Variants in CTIF observed in about 807,000 individuals in gnomAD.
CTIF encodes the protein cap binding complex dependent translation initiation factor, also known as CBP80/20-dependent translation initiation factor.
In CTIF, 21 loss-of-function variants were observed where a neutral mutation model predicts 66.0. The observed-to-expected ratio is 0.32, with a 90% CI of 0.23 to 0.46. The LOEUF (loss-of-function observed/expected upper bound fraction) is 0.46. Among genes scored for constraint, CTIF ranks in the 20% least tolerant of loss-of-function variants. CTIF has a pLI of 1.00. For synonymous variants in CTIF, 345 were observed against 326.4 expected (o/e 1.06, Z -0.62); for missense variants, 739 against 812.7 (o/e 0.91, Z 1.10).
intron 10 of CTIF, among the ~76,000 whole-genome samples, chr18:48,833,472 GC>G (rs1568254515): frequency 2.6e-5 from 4 of 151,944 alleles, no homozygotes. Context: ...CTCTCTAAAT[GC>G]CCCCCTGCCC....
Position 48,558,058 on chromosome 18 carries a change from C to A in CTIF, c.-29+18746C>A, listed in dbSNP as rs183759279. On this transcript the variant is annotated intron_variant, in intron 1 of 11. Coordinates refer to ENST00000256413, the MANE Select transcript of CTIF (RefSeq NM_014772.3). ...AGTAGATTCCCTTTCTTTTTCTTTT[C>A]TTTTCTTCTCTTTTCTTTTGAGATG... Among the ~76,000 whole-genome samples, 475 of 152,264 alleles carry A rather than the reference C, an allele frequency of 3.1e-3. 5 individuals are homozygous for A. Among genetic ancestry groups the A allele is most frequent in the African/African-American group, 0.011 (444 of 41,556 alleles).
At chr18:48,625,071 A>G (rs1039724108) in intron 2 of CTIF, 2 of 231,134 alleles carry the variant, frequency 8.7e-6, no homozygotes, top group Non-Finnish European at 1.4e-5. Context: ...CTTTCTCTTT[A>G]CGTCTCTCCT....
intron 1 of CTIF, among the ~76,000 whole-genome samples, chr18:48,577,131 G>A (rs867038814): frequency 6.6e-6 from 1 of 152,218 alleles, no homozygotes; most frequent in African/African-American, 2.4e-5. Flanking sequence ...AGAAATTGTG[G>A]CTCTAGACAA....
intron 6 of CTIF, among the ~76,000 whole-genome samples, chr18:48,682,295 C>T (rs901626589): frequency 3.9e-5 from 6 of 152,174 alleles, no homozygotes; most frequent in Non-Finnish European, 5.9e-5. Context: ...CACATGATCC[C>T]GGGAGCCAAA....
chr18:48,661,611 G>T (rs1043092524), intron 3 of CTIF, among the ~76,000 whole-genome samples: 6 of 152,300 alleles, frequency 3.9e-5, no homozygotes, highest in African/African-American at 1.4e-4. Flanking sequence ...GTTGGAATGG[G>T]GAGGATGTGA....
chr18:48,669,796 TA>T (rs2091495778), intron 5 of CTIF, among the ~76,000 whole-genome samples: 17 of 39,616 alleles, frequency 4.3e-4, no homozygotes, highest in African/African-American at 2.1e-3. Context: ...TAAACATTTA[TA>T]TATATATATA....
At chr18:48,725,497 C>A (rs529753372) in intron 7 of CTIF, among the ~76,000 whole-genome samples, 1 of 152,260 alleles carries the variant, frequency 6.6e-6, no homozygotes, top group South Asian at 2.1e-4. Context: ...ACTCTACAAG[C>A]AGTCAAGGAC....
intron 1 of CTIF, among the ~76,000 whole-genome samples, chr18:48,541,589 G>C (rs1209841773): frequency 6.6e-6 from 1 of 152,172 alleles, no homozygotes; most frequent in Non-Finnish European, 1.5e-5. Context: ...AGAATGCACC[G>C]AACAGACGCT....
chr18:48,613,201 G>A (rs986261165), intron 1 of CTIF, among the ~76,000 whole-genome samples: 10 of 152,170 alleles, frequency 6.6e-5, no homozygotes, highest in Admixed American at 3.9e-4. Flanking sequence ...GGGCAGGAAA[G>A]GATACTGAGA....
intron 7 of CTIF, among the ~76,000 whole-genome samples, chr18:48,730,837 GTGAGGGACCCCCGCAGCA>G (rs2092450921): frequency 1.3e-5 from 2 of 148,324 alleles, no homozygotes; most frequent in Admixed American, 1.3e-4. Context: ...CTTCCGTGGT[GTGAGGGACCCCCGCAGCA>G]TGAGGGGCCT....
chr18:48,619,119 T>C (rs1279555859), intron 1 of CTIF, among the ~76,000 whole-genome samples: 1 of 152,186 alleles, frequency 6.6e-6, no homozygotes, highest in Non-Finnish European at 1.5e-5. Context: ...TCGGGCCCCA[T>C]TGTGCACCCT....
chr18:48,805,365 G>A (rs1358150292), intron 9 of CTIF, among the ~76,000 whole-genome samples: 1 of 151,610 alleles, frequency 6.6e-6, no homozygotes, highest in Non-Finnish European at 1.5e-5. Context: ...GCCCTGGGCT[G>A]TGTGATAGGA....
chr18:48,726,898 C>T (rs1437991290), intron 7 of CTIF, among the ~76,000 whole-genome samples: 1 of 152,118 alleles, frequency 6.6e-6, no homozygotes, highest in Non-Finnish European at 1.5e-5. Flanking sequence ...AATAGTCTCA[C>T]CCCTCCCAAT....
intron 7 of CTIF, among the ~76,000 whole-genome samples, chr18:48,722,796 C>T (rs1598927119): frequency 6.6e-6 from 1 of 152,034 alleles, no homozygotes; most frequent in African/African-American, 2.4e-5. Context: ...GTGTAAGCAC[C>T]CGGCCATACC....
At chr18:48,561,833 T>A (rs1431011725) in intron 1 of CTIF, among the ~76,000 whole-genome samples, 10 of 152,198 alleles carry the variant, frequency 6.6e-5, no homozygotes, top group Admixed American at 4.6e-4. Flanking sequence ...TCTATTTTTC[T>A]CATCGGTAAA....
chr18:48,851,089 G>C (rs777112549), intron 10 of CTIF, among the ~76,000 whole-genome samples: 20 of 152,242 alleles, frequency 1.3e-4, no homozygotes, highest in South Asian at 4.1e-4. Context: ...AGGTTGGAAG[G>C]GGGGGCTCTA....
chr18:48,717,382 G>C (rs1376217481), intron 7 of CTIF, among the ~76,000 whole-genome samples: 2 of 151,376 alleles, frequency 1.3e-5, no homozygotes, highest in East Asian at 3.9e-4. Context: ...TGGGCAACAA[G>C]AGCGAAAATC....
chr18:48,816,024 A>G (rs1196301759), intron 9 of CTIF, among the ~76,000 whole-genome samples: 1 of 152,202 alleles, frequency 6.6e-6, no homozygotes, highest in Non-Finnish European at 1.5e-5. Context: ...TGAACAAACA[A>G]CCATAAAAAT....
intron 7 of CTIF, among the ~76,000 whole-genome samples, chr18:48,749,104 T>C (rs2145803890): frequency 6.6e-6 from 1 of 152,346 alleles, no homozygotes. Context: ...TCCTAGCTTT[T>C]CTAGTTTAAG....
Sources: gnomAD v4.1 joint callset for allele counts (sites outside exome capture counted in the v4.1 genomes callset) on GRCh38, gnomAD v4.1.1 for gene constraint, MANE v1.5 for transcripts, NCBI Gene and HGNC (gene_info 2026-07-23, HGNC 2026-07-21) for gene names.